The following TPST1 variants were observed in gnomAD, a reference collection of about 807,000 sequenced individuals.
The protein encoded by TPST1 is protein-tyrosine sulfotransferase 1.
Under a neutral mutation model 34.8 loss-of-function variants are expected in TPST1, and 20 were observed. That is an observed-to-expected ratio of 0.57 (90% CI 0.40 to 0.84). TPST1 has a LOEUF of 0.84. TPST1 is among the 40% of genes least tolerant of loss of function. The pLI is 0.00. For missense variants in TPST1, 353 were observed against 455.5 expected, an observed-to-expected ratio of 0.78 and a Z score of 2.05; for synonymous variants, 152 against 159.4, an observed-to-expected ratio of 0.95 and a Z score of 0.35.
chr7:66,238,299 C>T (rs944595250), intron 1 of TPST1, among the ~76,000 whole-genome samples: 1 of 151,918 alleles, frequency 6.6e-6, no homozygotes, highest in Non-Finnish European at 1.5e-5. Flanking sequence ...TAAATGGGTC[C>T]TGTTAAGAAT....
intron 2 of TPST1, among the ~76,000 whole-genome samples, chr7:66,248,998 T>C (rs979098258): frequency 6.6e-6 from 1 of 151,868 alleles, no homozygotes; most frequent in African/African-American, 2.4e-5. Flanking sequence ...GTCTGGTTCA[T>C]AGATGGCACC....
At chr7:66,311,014 G>T (rs1053394368) in intron 3 of TPST1, among the ~76,000 whole-genome samples, 8 of 151,938 alleles carry the variant, frequency 5.3e-5, no homozygotes, top group Non-Finnish European at 1.2e-4. Context: ...TTTAGTTAAA[G>T]AAATTCTTAT....
chr7:66,319,299 A>G (rs1791700802), intron 3 of TPST1, among the ~76,000 whole-genome samples: 2 of 152,204 alleles, frequency 1.3e-5, no homozygotes, highest in African/African-American at 4.8e-5. Flanking sequence ...CTTTAGATCA[A>G]TTGTCTGATT....
intron 3 of TPST1, among the ~76,000 whole-genome samples, chr7:66,330,636 A>G (rs1191137034): frequency 6.6e-6 from 1 of 152,140 alleles, no homozygotes; most frequent in Non-Finnish European, 1.5e-5. Context: ...TTCTACTCAG[A>G]TGTTCCTCAC....
intron 1 of TPST1, among the ~76,000 whole-genome samples, chr7:66,217,905 A>C (rs1789458532): frequency 6.7e-6 from 1 of 148,736 alleles, no homozygotes. Context: ...TTTGAGATGG[A>C]GTCTGACCCT....
chr7:66,230,657 T>C (rs1467752363), intron 1 of TPST1, among the ~76,000 whole-genome samples: 3 of 152,084 alleles, frequency 2.0e-5, no homozygotes, highest in Non-Finnish European at 2.9e-5. Flanking sequence ...ATAAAAGCAG[T>C]GTGGACCCAA....
chr7:66,234,700 G>A (rs1052830216), intron 1 of TPST1, among the ~76,000 whole-genome samples: 13 of 151,948 alleles, frequency 8.6e-5, no homozygotes, highest in African/African-American at 2.7e-4. Flanking sequence ...TTTTGGAGAC[G>A]GAGTCTCGTT....
intron 3 of TPST1, among the ~76,000 whole-genome samples, chr7:66,298,860 A>G (rs1040975595): frequency 1.3e-5 from 2 of 152,114 alleles, no homozygotes; most frequent in Admixed American, 1.3e-4. Flanking sequence ...GCAGTGGCTC[A>G]CACCTGTAAT....
At chr7:66,234,490 A>G (rs1789869947) in intron 1 of TPST1, among the ~76,000 whole-genome samples, 1 of 150,818 alleles carries the variant, frequency 6.6e-6, no homozygotes, top group Non-Finnish European at 1.5e-5. Context: ...GTGCCATCAA[A>G]TGTCAGCTTG....
intron 3 of TPST1, among the ~76,000 whole-genome samples, chr7:66,333,952 A>G (rs1792043847): frequency 6.6e-6 from 1 of 152,322 alleles, no homozygotes; most frequent in East Asian, 1.9e-4. Flanking sequence ...ATGGAAAGCT[A>G]ATATAAAAAT....
chr7:66,243,569 G>A (rs550125926), intron 2 of TPST1, among the ~76,000 whole-genome samples: 3 of 150,456 alleles, frequency 2.0e-5, no homozygotes, highest in South Asian at 2.1e-4. Context: ...TCAGCCTCCC[G>A]AGTAGCTGGG....
At chr7:66,247,118 G>T (rs1431413288) in intron 2 of TPST1, among the ~76,000 whole-genome samples, 1 of 152,132 alleles carries the variant, frequency 6.6e-6, no homozygotes, top group East Asian at 1.9e-4. Flanking sequence ...CTTCTTCATT[G>T]GTGAATAATT....
intron 3 of TPST1, among the ~76,000 whole-genome samples, chr7:66,330,493 A>G (rs1791975794): frequency 6.6e-6 from 1 of 152,204 alleles, no homozygotes; most frequent in Admixed American, 6.5e-5. Context: ...GAAACCTGGC[A>G]GTTAACTTTG....
At chr7:66,249,619 A>C (rs1222694319) in intron 2 of TPST1, among the ~76,000 whole-genome samples, 1 of 152,150 alleles carries the variant, frequency 6.6e-6, no homozygotes, top group Non-Finnish European at 1.5e-5. Flanking sequence ...GGTGATGCTA[A>C]TGTTCCTGGC....
At chr7:66,282,433 C>T (rs977600479) in intron 2 of TPST1, among the ~76,000 whole-genome samples, 1 of 152,184 alleles carries the variant, frequency 6.6e-6, no homozygotes, top group African/African-American at 2.4e-5. Context: ...TCTAGTAAAA[C>T]TTTATTTACA....
At chr7:66,219,442 C>G (rs1789494647) in intron 1 of TPST1, among the ~76,000 whole-genome samples, 1 of 152,198 alleles carries the variant, frequency 6.6e-6, no homozygotes, top group Admixed American at 6.5e-5. Context: ...GAGTCCAAAT[C>G]TAGTTCTCCA....
chr7:66,242,347 G>A (rs906146869), intron 2 of TPST1, among the ~76,000 whole-genome samples: 1 of 151,876 alleles, frequency 6.6e-6, no homozygotes, highest in Non-Finnish European at 1.5e-5. Flanking sequence ...TATAACACCT[G>A]TAAAAAATAC....
intron 1 of TPST1, among the ~76,000 whole-genome samples, chr7:66,218,733 G>A (rs1789477814): frequency 6.6e-6 from 1 of 151,982 alleles, no homozygotes. Context: ...TGTAGTCCCA[G>A]CTACTTGGGT....
chr7:66,313,375 A>G (rs561729698), intron 3 of TPST1, among the ~76,000 whole-genome samples: 2 of 152,326 alleles, frequency 1.3e-5, no homozygotes, highest in East Asian at 3.9e-4. Context: ...AGATCATGCC[A>G]TAACTCTCCA....
Sources: allele counts gnomAD v4.1 joint callset (sites outside exome capture counted in the v4.1 genomes callset), GRCh38; gene constraint gnomAD v4.1.1; transcripts MANE v1.5; gene names NCBI Gene and HGNC (gene_info 2026-07-23, HGNC 2026-07-21).